Variants in INTS2 observed in about 807,000 individuals in gnomAD.
The protein encoded by INTS2 is integrator complex subunit 2, also known as KIAA1287.
INTS2 carries 57 observed loss-of-function variants against 139.6 expected under a neutral mutation model. The ratio of observed to expected loss-of-function variants is 0.41; its 90% confidence interval spans 0.33 to 0.51. The LOEUF is 0.51. Among genes scored for constraint, INTS2 ranks in the 20% least tolerant of loss-of-function variants. The probability of loss-of-function intolerance (pLI) is 0.28; values close to 1 mark genes in which losing one functional copy is unlikely to be tolerated. For missense variants in INTS2, 1,196 were observed against 1,436.7 expected (o/e 0.83, Z 2.71); for synonymous variants, 473 against 493.4 (o/e 0.96, Z 0.55).
At chr17:61,911,874 C>G (rs1474285983) in intron 6 of INTS2, 66 bp downstream of exon 6, 2 of 1,539,886 alleles carry the variant, frequency 1.3e-6, no homozygotes, top group African/African-American at 1.4e-5. Context: ...ACTCTAAAAC[C>G]ATCTTGAGAA....
At chr17:61,892,157 G>C (rs1172594081) in intron 13 of INTS2, among the ~76,000 whole-genome samples, 1 of 152,022 alleles carries the variant, frequency 6.6e-6, no homozygotes, top group African/African-American at 2.4e-5. Flanking sequence ...AAAATGTTGG[G>C]GGTGCATGTG....
At chr17:61,898,339 G>A (rs1228230320) in intron 9 of INTS2, among the ~76,000 whole-genome samples, 2 of 152,138 alleles carry the variant, frequency 1.3e-5, no homozygotes, top group Admixed American at 6.5e-5. Context: ...CTGTCGCCCA[G>A]GCTGGAGTGC....
chr17:61,926,306 G>T (rs1053950520), intron 2 of INTS2, 46 bp downstream of exon 2: 16 of 1,440,172 alleles, frequency 1.1e-5, no homozygotes, highest in Non-Finnish European at 1.5e-5. Flanking sequence ...CTGATTCCCT[G>T]TTCTTTGTCA....
At chr17:61,879,462 T>A (rs572985049) in intron 17 of INTS2, among the ~76,000 whole-genome samples, 2 of 152,298 alleles carry the variant, frequency 1.3e-5, no homozygotes, top group East Asian at 3.9e-4. Flanking sequence ...GTGTTATAAG[T>A]GTAAAATACA....
At chr17:61,912,295 G>A (rs988251930) in intron 5 of INTS2, among the ~76,000 whole-genome samples, 5 of 146,616 alleles carry the variant, frequency 3.4e-5, no homozygotes, top group African/African-American at 7.6e-5. Flanking sequence ...AAGAAAGTAC[G>A]AGACAAAAAT....
chr17:61,900,757 A>G (rs2079396611), intron 9 of INTS2, among the ~76,000 whole-genome samples: 1 of 152,222 alleles, frequency 6.6e-6, no homozygotes, highest in Non-Finnish European at 1.5e-5. Context: ...CAGGAGTTCG[A>G]GACCAGCCTG....
At position 61,870,558 on chromosome 17, in the gene INTS2, G is replaced by C. The variant is rs2079080728; in HGVS notation, c.2779-570C>G. Reference sequence around the variant, plus strand: ...ATCATTGCACAGAGCAGTAGCTTGAGGGGTAATGGCAATATATTTGAGGCC... The same window carrying C: ...ATCATTGCACAGAGCAGTAGCTTGACGGGTAATGGCAATATATTTGAGGCC... On this transcript the variant is annotated intron_variant, in intron 20 of 24. Coordinates refer to ENST00000251334, the MANE Select transcript of INTS2 (RefSeq NM_001351695.2). The surrounding 1 kb of genome is among the most constrained non-coding windows in gnomAD (Gnocchi z 4.4). Among the ~76,000 whole-genome samples the C allele has an allele frequency of 6.6e-6, 1 of 152,100 alleles. No individual in the cohort carries two copies. The highest frequency in any genetic ancestry group is 2.1e-4 in the South Asian group (1 of 4,808).
intron 9 of INTS2, among the ~76,000 whole-genome samples, chr17:61,898,910 G>A (rs867305182): frequency 5.8e-4 from 89 of 152,198 alleles, no homozygotes; most frequent in African/African-American, 2.0e-3. Flanking sequence ...CACCACACCC[G>A]GTCTAAATTT....
Position 61,877,959 on chromosome 17 carries a change from G to A in INTS2, c.2384C>T (p.Ser795Leu). ...TTGCAGAATTCTCCGTGGAACCCCT[G>A]AATTCAATAGCTGGCTCATATTGGA... ...LTSNMSQLLN[S>L]GVPRRILQTV... is the part of the protein sequence containing the mutation. The change falls in exon 18 of 25, where the codon TCA becomes TTA. Residue 795 changes from serine (S) to leucine (L), a missense_variant. Ser to Leu is a moderately radical substitution (Grantham distance 145). Around this residue, in one of 3 missense-constraint regions of INTS2, gnomAD observed 1,129 missense variants for 1,341.9 expected, o/e 0.84. Coordinates refer to ENST00000251334, the MANE Select transcript of INTS2 (RefSeq NM_001351695.2). 1.2e-6 allele frequency: 2 copies of A among 1,613,708 alleles called. No individual in the cohort carries two copies. Among genetic ancestry groups the A allele is most frequent in the Non-Finnish European group, 1.7e-6 (2 of 1,179,678 alleles).
chr17:61,919,552 G>T, intron 4 of INTS2, 39 bp from the exon 5 acceptor site: 1 of 1,053,256 alleles, frequency 9.5e-7, no homozygotes, highest in Non-Finnish European at 1.4e-6. Flanking sequence ...TTTGTTAACA[G>T]GTGCACTCCA....
intron 17 of INTS2, among the ~76,000 whole-genome samples, chr17:61,880,296 T>C (rs2079166327): frequency 6.6e-6 from 1 of 152,112 alleles, no homozygotes; most frequent in Non-Finnish European, 1.5e-5. Flanking sequence ...TCCGCCTGCC[T>C]CGGCCTTCCA....
intron 9 of INTS2, among the ~76,000 whole-genome samples, chr17:61,902,435 A>G (rs2079415775): frequency 6.6e-6 from 1 of 152,040 alleles, no homozygotes; most frequent in Non-Finnish European, 1.5e-5. Context: ...TCTACTTTTT[A>G]GAAAACAGCT....
At chr17:61,915,939 T>G (rs1255770009) in intron 5 of INTS2, among the ~76,000 whole-genome samples, 1 of 151,684 alleles carries the variant, frequency 6.6e-6, no homozygotes, top group African/African-American at 2.4e-5. Context: ...AATCTACAGA[T>G]TCAACACTCT....
At position 61,868,207 on chromosome 17, in the gene INTS2, A is replaced by G. The variant is rs8081151; in HGVS notation, c.3245-198T>C. ...CAAATTATTATGCACAAGTTTTGCAATAAGTACATTACATGCATTATTTCA... is the reference window on the plus strand; with the variant it reads ...CAAATTATTATGCACAAGTTTTGCAGTAAGTACATTACATGCATTATTTCA... On this transcript the variant is annotated intron_variant, in intron 23 of 24. Transcript: ENST00000251334. This position sits in a 1 kb window ranked among gnomAD's most constrained non-coding sequence, Gnocchi z 4.7. 0.11 allele frequency among the ~76,000 whole-genome samples: 16,215 copies of G among 152,134 alleles called. 2,839 individuals carry two copies. Among genetic ancestry groups the G allele is most frequent in the African/African-American group, 0.37 (15,163 of 41,440 alleles).
chr17:61,918,375 G>C (rs1337844894), intron 5 of INTS2, among the ~76,000 whole-genome samples: 2 of 152,246 alleles, frequency 1.3e-5, no homozygotes. Flanking sequence ...CTGAGTAGCT[G>C]AGATTACAGG....
Position 61,875,015 on chromosome 17 carries a change from G to A in INTS2, c.2480C>T (p.Ala827Val). ...PRRLWVMTVN[A>V]LQPSIKFVRQ... ...TACAAACTTTATTGAAGGCTGAAGTGCATTAACCGTCATTACCCATAGCCT... is the reference window on the plus strand; with the variant it reads ...TACAAACTTTATTGAAGGCTGAAGTACATTAACCGTCATTACCCATAGCCT... Residue 827 changes from alanine (A) to valine (V), a missense_variant, in exon 19 of 25, where the codon GCA becomes GTA. Physicochemically the swap from Ala to Val is moderately conservative, Grantham distance 64. This residue lies in a region of INTS2 where 1,129 missense variants were observed against 1,341.9 expected (regional missense o/e 0.84). Transcript: ENST00000251334. This position sits in a 1 kb window ranked among gnomAD's most constrained non-coding sequence, Gnocchi z 4.6. The A allele has an allele frequency of 6.3e-7, 1 of 1,596,042 alleles. No individual in the cohort carries two copies. Among genetic ancestry groups the A allele is most frequent in the East Asian group, 2.3e-5 (1 of 44,442 alleles).
intron 1 of INTS2, 129 bp from the exon 2 acceptor site, chr17:61,926,791 A>C (rs1299577966): frequency 2.7e-6 from 2 of 747,212 alleles, no homozygotes; most frequent in African/African-American, 3.5e-5. Flanking sequence ...TCCTGGCACA[A>C]TCAAGACAAG....
At chr17:61,874,290 G>C (rs568469985) in intron 19 of INTS2, 6 of 152,036 alleles carry the variant, frequency 3.9e-5, no homozygotes, top group Non-Finnish European at 7.4e-5. Context: ...AGCATATTAC[G>C]TAACTTATCA....
chr17:61,883,989 C>T (rs985374259), intron 16 of INTS2, among the ~76,000 whole-genome samples: 3 of 145,632 alleles, frequency 2.1e-5, no homozygotes, highest in African/African-American at 7.6e-5. Flanking sequence ...GTAGTGAGAC[C>T]CTTTCCCTAA....
Sources: gnomAD v4.1 joint callset for allele counts (sites outside exome capture counted in the v4.1 genomes callset) on GRCh38, gnomAD v4.1.1 for gene constraint, gnomAD v4.1.1 regional missense constraint, Gnocchi (gnomAD v3.1) non-coding constraint, MANE v1.5 for transcripts, NCBI Gene and HGNC (gene_info 2026-07-23, HGNC 2026-07-21) for gene names.